RYR2: variants seen among roughly 807,000 people sequenced by gnomAD.
RYR2 encodes the protein ryanodine receptor 2, also known as cardiac muscle ryanodine receptor-calcium release channel.
RYR2 carries 227 observed loss-of-function variants against 601.1 expected under a neutral mutation model. That is an observed-to-expected ratio of 0.38 (90% CI 0.34 to 0.42). The LOEUF (loss-of-function observed/expected upper bound fraction) is 0.42, where lower values mean the gene tolerates loss of function less well. RYR2 is among the 10% of genes least tolerant of loss of function. RYR2 has a pLI of 1.00. For missense variants in RYR2, 4,646 were observed against 6,156.5 expected (o/e 0.75, Z 8.21); for synonymous variants, 2,223 against 2,175.1 (o/e 1.02, Z -0.61).
At chr1:237,783,521 C>G (rs191368372) in intron 89 of RYR2, among the ~76,000 whole-genome samples, 154 bp from the exon 90 acceptor site, 1 of 152,210 alleles carries the variant, frequency 6.6e-6, no homozygotes, top group East Asian at 1.9e-4. Context: ...ATTTTTTAAA[C>G]TATAGTTTAT....
At chr1:237,755,081 A>G (rs1170609527) in intron 80 of RYR2, 1 of 1,288,970 alleles carries the variant, frequency 7.8e-7, no homozygotes, top group African/African-American at 1.5e-5. Flanking sequence ...TCAAAGATTT[A>G]AGAAACAAAT....
In RYR2 at chr1:237,798,084, A is replaced by G; in HGVS notation, c.14004A>G (p.Glu4668=). The change falls in exon 97 of 105, where the codon GAA becomes GAG. Residue 4668 remains glutamate, a synonymous_variant. Transcript: ENST00000366574. ...GEFYGRDRIS[E]LLGMDKAALD... is the part of the protein sequence containing the mutation. ...TCTACGGCCGAGACAGAATCAGTGA[A>G]TTACTTGGCATGGACAAGGCAGCTC... 1 of 1,611,864 alleles carries G rather than the reference A, an allele frequency of 6.2e-7. No homozygotes were observed. Among genetic ancestry groups the G allele is most frequent in the Non-Finnish European group, 8.5e-7 (1 of 1,178,832 alleles).
chr1:237,208,333 G>C (rs560833506), intron 1 of RYR2, among the ~76,000 whole-genome samples: 2 of 152,302 alleles, frequency 1.3e-5, no homozygotes, highest in South Asian at 4.1e-4. Context: ...GGGCTGCTGA[G>C]TGATTGCCTT....
intron 72 of RYR2, among the ~76,000 whole-genome samples, chr1:237,717,692 G>C (rs1375072438): frequency 1.3e-5 from 2 of 152,144 alleles, no homozygotes; most frequent in Admixed American, 1.3e-4. Context: ...TCAAATTTAT[G>C]AAGGGTGATT....
At chr1:237,495,013 A>AGT (rs1663901002) in intron 19 of RYR2, among the ~76,000 whole-genome samples, 1 of 151,450 alleles carries the variant, frequency 6.6e-6, no homozygotes, top group African/African-American at 2.4e-5. Flanking sequence ...CTGGTCTCGA[A>AGT]CTCCTGACCT....
At chr1:237,458,743 A>T (rs989052013) in intron 16 of RYR2, among the ~76,000 whole-genome samples, 16 of 42,980 alleles carry the variant, frequency 3.7e-4, no homozygotes, top group East Asian at 1.5e-3. Flanking sequence ...AAAAAGTTAA[A>T]AAAAAAAAGA....
At chr1:237,072,947 C>CA (rs34070186) in intron 1 of RYR2, among the ~76,000 whole-genome samples, 59,962 of 103,864 alleles carry the variant, frequency 0.58, 18,807 homozygotes, top group Non-Finnish European at 0.73. Flanking sequence ...GACTCCATCT[C>CA]AAAAAAAAAA....
chr1:237,625,872 ATGTTTTAC>A, intron 40 of RYR2, 68 bp downstream of exon 40: 1 of 1,544,384 alleles, frequency 6.5e-7, no homozygotes. Flanking sequence ...CTTTGAACGA[ATGTTTTAC>A]TGGATGAGCC....
chr1:237,642,579 C>G (rs549835180), intron 47 of RYR2, among the ~76,000 whole-genome samples: 4 of 152,232 alleles, frequency 2.6e-5, no homozygotes, highest in African/African-American at 7.2e-5. Flanking sequence ...GGGGACCAAC[C>G]TTGGCATTTC....
intron 40 of RYR2, among the ~76,000 whole-genome samples, chr1:237,626,574 C>CT (rs1679680836): frequency 6.7e-5 from 4 of 60,094 alleles, no homozygotes; most frequent in Non-Finnish European, 1.1e-4. Flanking sequence ...TTTTCTTTTT[C>CT]TTTTTCTTTT....
chr1:237,210,185 A>G (rs758327773), intron 1 of RYR2, among the ~76,000 whole-genome samples: 15 of 152,092 alleles, frequency 9.9e-5, no homozygotes, highest in Non-Finnish European at 1.9e-4. Flanking sequence ...TAAACTTTTT[A>G]TATCATTAGC....
rs146324561 is a variant in RYR2, at chr1:237,819,836, C to CCAA, written c.14590+663_14590+665dup. On this transcript the variant is annotated intron_variant, in intron 101 of 104. Transcript: ENST00000366574. This position sits in a 1 kb window ranked among gnomAD's most constrained non-coding sequence, Gnocchi z 4.0. ...TCCATTTCAAAACACACACTCAAACCCAACAACAACAACAACAACAAAAAC... is the reference window on the plus strand; with the variant it reads ...TCCATTTCAAAACACACACTCAAACCCAACAACAACAACAACAACAACAAAAAC... Among the ~76,000 whole-genome samples the CCAA allele has an allele frequency of 0.057, 8,569 of 151,250 alleles. 309 individuals carry two copies. The highest frequency in any genetic ancestry group is 0.11 in the African/African-American group (4,434 of 41,168).
chr1:237,584,678 C>T (rs1288510694), intron 29 of RYR2, among the ~76,000 whole-genome samples: 4 of 15,860 alleles, frequency 2.5e-4, no homozygotes, highest in African/African-American at 5.1e-4. Context: ...TTTTTTGAGA[C>T]AGGGTCTCGC....
chr1:237,592,424 A>C (rs1197186500), intron 32 of RYR2, among the ~76,000 whole-genome samples: 1 of 151,972 alleles, frequency 6.6e-6, no homozygotes, highest in Non-Finnish European at 1.5e-5. Context: ...TCTGAGGTCA[A>C]GAGTTCAAGA....
chr1:237,751,369 A>C (rs931522383), intron 80 of RYR2, among the ~76,000 whole-genome samples: 22 of 152,308 alleles, frequency 1.4e-4, no homozygotes, highest in African/African-American at 5.3e-4. Context: ...TAACTTTGCT[A>C]ATTTGATAGC....
intron 1 of RYR2, among the ~76,000 whole-genome samples, chr1:237,241,369 G>A (rs1481228380): frequency 6.6e-6 from 1 of 152,166 alleles, no homozygotes; most frequent in East Asian, 1.9e-4. Context: ...TTTGGCATTT[G>A]AATTACTCTT....
chr1:237,173,726 A>C (rs1677681964), intron 1 of RYR2, among the ~76,000 whole-genome samples: 1 of 152,184 alleles, frequency 6.6e-6, no homozygotes, highest in Non-Finnish European at 1.5e-5. Context: ...AAAGGGGACA[A>C]GAGCATTAAA....
chr1:237,772,134 AG>A (rs1472409927), intron 86 of RYR2, 34 bp downstream of exon 86: 1 of 1,179,104 alleles, frequency 8.5e-7, no homozygotes, highest in African/African-American at 1.5e-5. Context: ...ACAAATTAAA[AG>A]GGTTGGTATG....
At chr1:237,301,997 T>A (rs978480175) in intron 2 of RYR2, among the ~76,000 whole-genome samples, 1 of 152,340 alleles carries the variant, frequency 6.6e-6, no homozygotes, top group African/African-American at 2.4e-5. Flanking sequence ...AATATTGTTA[T>A]CAAATTATTT....
Sources: gnomAD v4.1 joint callset for allele counts (sites outside exome capture counted in the v4.1 genomes callset) on GRCh38, gnomAD v4.1.1 for gene constraint, Gnocchi (gnomAD v3.1) non-coding constraint, MANE v1.5 for transcripts, NCBI Gene and HGNC (gene_info 2026-07-23, HGNC 2026-07-21) for gene names.